RAD51B: variants seen among roughly 807,000 people sequenced by gnomAD.
The protein encoded by RAD51B is RAD51 paralog B.
RAD51B carries 38 observed loss-of-function variants against 42.2 expected under a neutral mutation model. The observed-to-expected ratio is 0.90, with a 90% CI of 0.70 to 1.18. The LOEUF (loss-of-function observed/expected upper bound fraction) is 1.18. RAD51B is among the 50% of genes most tolerant of loss of function. The pLI is 0.00. For synonymous variants in RAD51B, 154 were observed against 145.2 expected (o/e 1.06, Z -0.43); for missense variants, 373 against 400.7 (o/e 0.93, Z 0.59).
chr14:68,385,085 T>A (rs2083564198), intron 8 of RAD51B, among the ~76,000 whole-genome samples: 1 of 151,992 alleles, frequency 6.6e-6, no homozygotes, highest in Admixed American at 6.6e-5. Flanking sequence ...TGCTAACTCA[T>A]TAGTTCGGAC....
chr14:67,932,499 G>A (rs548803166), intron 7 of RAD51B, among the ~76,000 whole-genome samples: 100 of 152,252 alleles, frequency 6.6e-4, no homozygotes, highest in Non-Finnish European at 8.7e-4. Context: ...AGTGGCACTA[G>A]TTTTAGTGGG....
chr14:68,001,687 T>G (rs2075486033), intron 7 of RAD51B, among the ~76,000 whole-genome samples: 1 of 152,134 alleles, frequency 6.6e-6, no homozygotes, highest in African/African-American at 2.4e-5. Flanking sequence ...TTCCTGATGC[T>G]CTCCCTCTTC....
At chr14:68,002,666 A>T (rs181327570) in intron 7 of RAD51B, among the ~76,000 whole-genome samples, 5 of 152,232 alleles carry the variant, frequency 3.3e-5, no homozygotes, top group Admixed American at 2.6e-4. Context: ...TCAGGGTTTT[A>T]CATTTAAGTC....
intron 10 of RAD51B, among the ~76,000 whole-genome samples, chr14:68,549,409 A>ATTTTTTTTTTTTGTTTT (rs1888402324): frequency 1.6e-5 from 1 of 63,578 alleles, no homozygotes; most frequent in Non-Finnish European, 3.3e-5. Flanking sequence ...CCCTGGACAC[A>ATTTTTTTTTTTTGTTTT]TTTTTTTTTT....
intron 11 of RAD51B, among the ~76,000 whole-genome samples, chr14:68,677,061 T>G (rs986084232): frequency 6.6e-6 from 1 of 152,186 alleles, no homozygotes; most frequent in Non-Finnish European, 1.5e-5. Flanking sequence ...CTGTCATAGA[T>G]GAGGAAACTG....
intron 8 of RAD51B, among the ~76,000 whole-genome samples, chr14:68,357,693 G>C (rs188006352): frequency 4.8e-4 from 73 of 152,276 alleles, no homozygotes; most frequent in Middle Eastern, 3.4e-3. Flanking sequence ...GAGCTCTTCA[G>C]TGACCAGCTA....
At position 67,984,891 on chromosome 14, in the gene RAD51B, T is replaced by C. The variant is rs192065361; in HGVS notation, c.756+97687T>C. On this transcript the variant is annotated intron_variant, in intron 7 of 10. Transcript: ENST00000471583. ...TCTTATAATGTAAGCAATAAATTGG[T>C]ACCCAAATAGAAAGTGTAAAATAAT... Among the ~76,000 whole-genome samples the C allele has an allele frequency of 2.6e-3, 401 of 152,354 alleles. 1 individual carries two copies. The highest frequency in any genetic ancestry group is 4.6e-3 in the Non-Finnish European group (313 of 68,026).
chr14:67,905,042 A>T (rs886811630), intron 7 of RAD51B, among the ~76,000 whole-genome samples: 6 of 149,206 alleles, frequency 4.0e-5, no homozygotes, highest in African/African-American at 1.5e-4. Flanking sequence ...TTGTAGTTTT[A>T]AGTTTTATAT....
At chr14:67,877,537 T>C (rs1431907022) in intron 5 of RAD51B, among the ~76,000 whole-genome samples, 2 of 152,228 alleles carry the variant, frequency 1.3e-5, no homozygotes, top group East Asian at 3.8e-4. Flanking sequence ...GCTTCTAGTC[T>C]TTTTATTCTT....
In RAD51B at chr14:68,337,546, G is replaced by C. The variant is rs1387725193; in HGVS notation, c.853+45566G>C. ...TGATCTGAAATGTCCTTTTTCCTTT[G>C]CTGTCTAGCTTTCTGCTGTCTACCT... On this transcript the variant is annotated intron_variant, in intron 8 of 10. Coordinates refer to ENST00000471583, the MANE Select transcript of RAD51B (RefSeq NM_133510.4). Among the ~76,000 whole-genome samples the C allele has an allele frequency of 4.6e-5, 7 of 151,996 alleles. No homozygotes were observed. The East Asian group carries it at 1.2e-3, about 25-fold the overall frequency.
At chr14:68,267,239 C>T (rs957157642) in intron 7 of RAD51B, among the ~76,000 whole-genome samples, 2 of 152,124 alleles carry the variant, frequency 1.3e-5, no homozygotes, top group African/African-American at 4.8e-5. Flanking sequence ...GTGAACAATC[C>T]AGCTGATTCA....
chr14:68,576,395 C>T (rs951641141), intron 10 of RAD51B, among the ~76,000 whole-genome samples: 5 of 152,200 alleles, frequency 3.3e-5, no homozygotes, highest in Non-Finnish European at 2.9e-5. Flanking sequence ...GCAGACCTGC[C>T]TGCCACCCCC....
intron 7 of RAD51B, among the ~76,000 whole-genome samples, chr14:68,205,972 T>C (rs2079576212): frequency 6.6e-6 from 1 of 152,196 alleles, no homozygotes; most frequent in African/African-American, 2.4e-5. Flanking sequence ...AAAGATACAA[T>C]AGTGTTGTTT....
chr14:68,452,449 C>CA (rs2085580336), intron 9 of RAD51B, among the ~76,000 whole-genome samples: 1 of 152,116 alleles, frequency 6.6e-6, no homozygotes, highest in South Asian at 2.1e-4. Flanking sequence ...ACAATAAAGT[C>CA]AATTCTCACT....
intron 7 of RAD51B, chr14:67,887,458 G>A (rs2043097091): frequency 6.6e-6 from 2 of 302,376 alleles, no homozygotes; most frequent in African/African-American, 2.2e-5. Flanking sequence ...AGTTCCTATA[G>A]TCCCTCCTTT....
At chr14:68,650,791 C>T (rs1285245367) in exon 11 of RAD51B, 2 of 760,216 alleles carry the variant, frequency 2.6e-6, no homozygotes, top group African/African-American at 1.7e-5. Flanking sequence ...AATTTTGGCA[C>T]ATTTGCATAT....
chr14:67,930,608 C>T lies in RAD51B; in HGVS notation c.756+43404C>T, dbSNP rs192564869. ...TAGGTGACTAGACATTTTCCTCTTG[C>T]TGCTTTAAGACTTTTCTCCTTGTCA... On this transcript the variant is annotated intron_variant, in intron 7 of 10. Transcript: ENST00000471583. 3.3e-3 allele frequency among the ~76,000 whole-genome samples: 506 copies of T among 152,242 alleles called. 3 individuals carry two copies. Among genetic ancestry groups the T allele is most frequent in the African/African-American group, 0.012 (483 of 41,532 alleles).
chr14:68,542,806 T>A (rs193063422), intron 10 of RAD51B, among the ~76,000 whole-genome samples: 186 of 152,346 alleles, frequency 1.2e-3, no homozygotes, highest in African/African-American at 4.3e-3. Context: ...ACAGGATGGA[T>A]TTCAAACCCA....
chr14:68,525,316 C>T (rs1160948920), intron 10 of RAD51B, among the ~76,000 whole-genome samples: 1 of 152,236 alleles, frequency 6.6e-6, no homozygotes. Flanking sequence ...CCCAGTGAGA[C>T]CCATGTCAGA....
Sources: allele counts gnomAD v4.1 joint callset (sites outside exome capture counted in the v4.1 genomes callset), GRCh38; gene constraint gnomAD v4.1.1; transcripts MANE v1.5; gene names NCBI Gene and HGNC (gene_info 2026-07-23, HGNC 2026-07-21).